The following FTL variants were observed in gnomAD, a reference collection of about 807,000 sequenced individuals.
FTL encodes the protein epididymis secretory sperm binding protein.
In FTL, 17 loss-of-function variants were observed where a neutral mutation model predicts 16.6. That is an observed-to-expected ratio of 1.02 (90% CI 0.70 to 1.53). FTL has a LOEUF of 1.53. Ranked by LOEUF, FTL falls within the 40% of genes most tolerant of loss-of-function variation. The pLI, the probability that FTL is intolerant of heterozygous loss-of-function variation, is 0.00. For missense variants in FTL, 186 were observed against 226.1 expected, an observed-to-expected ratio of 0.82 and a Z score of 1.14; for synonymous variants, 73 against 89.9, an observed-to-expected ratio of 0.81 and a Z score of 1.06.
rs768867643 is a variant in FTL at position 48,966,411 on chromosome 19, G to A, written c.375+5G>A. On this transcript the variant is annotated splice_donor_5th_base_variant and intron_variant, in intron 3 of 3. Transcript: ENST00000331825. ...TCTGCCCGCACGGACCCCCATGTAC[G>A]TACCCGCTGCATCCATGGCTACCCA... 12 of 1,613,942 alleles carry A rather than the reference G, an allele frequency of 7.4e-6. No homozygotes were observed. In the East Asian group the frequency reaches 2.7e-4, roughly 36 times the overall value.
At position 48,965,422 on chromosome 19, in the gene FTL, C is replaced by T. The variant is rs1319264120; in HGVS notation, c.-86C>T. ...CCTCCGATTTCCTCTCCGCTTGCAACCTCCGGGACCATCTTCTCGGCCATC... is the reference window on the plus strand; with the variant it reads ...CCTCCGATTTCCTCTCCGCTTGCAATCTCCGGGACCATCTTCTCGGCCATC... On this transcript the variant is annotated 5_prime_UTR_variant, in exon 1 of 4. Transcript: ENST00000331825. The T allele has an allele frequency of 3.3e-6, 3 of 897,748 alleles. No homozygotes were observed. Among genetic ancestry groups the T allele is most frequent in the Middle Eastern group, 6.4e-4 (2 of 3,138 alleles). 55.6% of individuals were successfully genotyped at this position (897,748 alleles called of 1,614,324 possible).
rs761898357 is a variant in FTL, at chr19:48,966,316, C to T, written c.285C>T (p.Asp95=). Reference sequence around the variant, plus strand: ...AAGATGAGTGGGGTAAAACCCCAGACGCCATGAAAGCTGCCATGGCCCTGG... The same window carrying T: ...AAGATGAGTGGGGTAAAACCCCAGATGCCATGAAAGCTGCCATGGCCCTGG... ...PAEDEWGKTP[D]AMKAAMALEK... is the part of the protein sequence containing the mutation. The change falls in exon 3 of 4, where the codon GAC becomes GAT. Residue 95 remains aspartate (D), a synonymous_variant. Transcript: ENST00000331825. The T allele has an allele frequency of 1.9e-6, 3 of 1,614,114 alleles. No individual in the cohort carries two copies. Among genetic ancestry groups the T allele is most frequent in the African/African-American group, 1.3e-5 (1 of 75,030 alleles).
At chr19:48,966,484 G>GCCT in intron 3 of FTL, 78 bp downstream of exon 3, 1 of 1,613,428 alleles carries the variant, frequency 6.2e-7, no homozygotes, top group Non-Finnish European at 8.5e-7. Context: ...TTCCTTCAGA[G>GCCT]CCTCATTTCA....
chr19:48,966,501 T>C, intron 3 of FTL, 82 bp from the exon 4 acceptor site: 1 of 1,612,556 alleles, frequency 6.2e-7, no homozygotes, highest in South Asian at 1.1e-5. Flanking sequence ...TTCACACCTG[T>C]CACATTTTAA....
rs528748131 is a variant in FTL at position 48,965,976 on chromosome 19, T to G, written c.249+60T>G. ...AGCAGGCCGTGCGCGCGAGGAGCCT[T>G]GATTTGAGGGCGTAGGTGTCGCGTG... On this transcript the variant is annotated intron_variant, in intron 2 of 3. Coordinates refer to ENST00000331825, the MANE Select transcript of FTL (RefSeq NM_000146.4). 4,946 of 1,590,308 alleles carry G rather than the reference T, an allele frequency of 3.1e-3. 14 individuals carry two copies. Among genetic ancestry groups the G allele is most frequent in the Middle Eastern group, 0.016 (98 of 6,038 alleles).
At chr19:48,965,960 T>C in intron 2 of FTL, 44 bp downstream of exon 2, 2 of 1,607,582 alleles carry the variant, frequency 1.2e-6, no homozygotes, top group Non-Finnish European at 1.7e-6. Flanking sequence ...CAGCAGGCCG[T>C]GCGCGCGAGG....
rs2038448623 is a variant in FTL, at chr19:48,965,971, A to C, written c.249+55A>C. 2.5e-6 allele frequency: 4 copies of C among 1,599,164 alleles called. No homozygotes were observed. In the African/African-American group the frequency reaches 5.4e-5, roughly 21 times the overall value. On this transcript the variant is annotated intron_variant, in intron 2 of 3. Coordinates refer to ENST00000331825, the MANE Select transcript of FTL (RefSeq NM_000146.4). ...CTCCCAGCAGGCCGTGCGCGCGAGGAGCCTTGATTTGAGGGCGTAGGTGTC... is the reference window on the plus strand; with the variant it reads ...CTCCCAGCAGGCCGTGCGCGCGAGGCGCCTTGATTTGAGGGCGTAGGTGTC...
chr19:48,966,303 G>T lies in FTL; in HGVS notation c.272G>T (p.Gly91Val), dbSNP rs760939157. The change falls in exon 3 of 4, where the codon GGT (glycine) becomes GTT (valine). Residue 91 changes from glycine to valine, a missense_variant. Gly to Val is a moderately radical substitution (Grantham distance 109). Transcript: ENST00000331825. ...DIKKPAEDEW[G>V]KTPDAMKAAM... ...TAGAAGCCAGCTGAAGATGAGTGGGGTAAAACCCCAGACGCCATGAAAGCT... is the reference window on the plus strand; with the variant it reads ...TAGAAGCCAGCTGAAGATGAGTGGGTTAAAACCCCAGACGCCATGAAAGCT... 1 of 1,614,116 alleles carries T rather than the reference G, an allele frequency of 6.2e-7. No homozygotes were observed. The highest frequency in any genetic ancestry group is 8.5e-7 in the Non-Finnish European group (1 of 1,180,004).
At position 48,965,904 on chromosome 19, in the gene FTL, C is replaced by G. The variant is rs184528142; in HGVS notation, c.237C>G (p.Phe79Leu). Reference protein sequence around the residue: ...MQNQRGGRALFQDIKKPAEDE... With the variant: ...MQNQRGGRALLQDIKKPAEDE... ...ACCAGCGTGGCGGCCGCGCTCTCTT[C>G]CAGGACATCAAGGTAACTAGTGTGT... Residue 79 changes from phenylalanine (F) to leucine (L), a missense_variant, in exon 2 of 4, where the codon TTC (phenylalanine) becomes TTG (leucine). Coordinates refer to ENST00000331825, the MANE Select transcript of FTL (RefSeq NM_000146.4). 6 of 1,614,142 alleles carry G rather than the reference C, an allele frequency of 3.7e-6. No homozygotes were observed. The East Asian group carries it at 1.1e-4, about 30-fold the overall frequency.
At chr19:48,966,157 T>G in intron 2 of FTL, 124 bp from the exon 3 acceptor site, 2 of 1,436,016 alleles carry the variant, frequency 1.4e-6, no homozygotes, top group Non-Finnish European at 2.0e-6. Context: ...CGGAGAGTGA[T>G]AAATACAAGC....
intron 2 of FTL, 42 bp downstream of exon 2, chr19:48,965,958 C>T (rs1443873474): frequency 2.5e-6 from 4 of 1,608,464 alleles, no homozygotes; most frequent in Admixed American, 1.7e-5. Flanking sequence ...CCCAGCAGGC[C>T]GTGCGCGCGA....
In FTL at chr19:48,965,579, C is replaced by T. The variant is rs756961528; in HGVS notation, c.72C>T (p.Tyr24=). 7 of 1,613,918 alleles carry T rather than the reference C, an allele frequency of 4.3e-6. No individual in the cohort carries two copies. Among genetic ancestry groups the T allele is most frequent in the Non-Finnish European group, 5.9e-6 (7 of 1,179,776 alleles). ...CCGTCAACAGCCTGGTCAATTTGTA[C>T]CTGCAGGCCTCCTACACCTACCTCT... The part of the protein sequence containing the change: ...EAAVNSLVNL[Y]LQASYTYLSL... The change falls in exon 1 of 4, where the codon TAC becomes TAT. Residue 24 remains tyrosine, a synonymous_variant. Coordinates refer to ENST00000331825, the MANE Select transcript of FTL (RefSeq NM_000146.4).
intron 2 of FTL, 84 bp from the exon 3 acceptor site, chr19:48,966,197 G>C (rs2038451895): frequency 6.3e-7 from 1 of 1,589,734 alleles, no homozygotes; most frequent in Admixed American, 1.7e-5. Context: ...CTGGGCCTCT[G>C]ACCCCCAACG....
rs762943867 is a variant in FTL, at chr19:48,966,606, C to A, written c.399C>A (p.His133Gln). 2.5e-6 allele frequency: 4 copies of A among 1,614,030 alleles called. No homozygotes were observed. In the African/African-American group the frequency reaches 4.0e-5, roughly 16 times the overall value. The change falls in exon 4 of 4, where the codon CAC becomes CAA. Residue 133 changes from histidine to glutamine, a missense_variant. Transcript: ENST00000331825. ...DPHLCDFLET[H>Q]FLDEEVKLIK... is the part of the protein sequence containing the mutation. Reference sequence around the variant, plus strand: ...AGCTCTGTGACTTCCTGGAGACTCACTTCCTAGATGAGGAAGTGAAGCTTA... The same window carrying A: ...AGCTCTGTGACTTCCTGGAGACTCAATTCCTAGATGAGGAAGTGAAGCTTA...
intron 2 of FTL, 164 bp downstream of exon 2, chr19:48,966,080 A>G (rs975738041): frequency 2.5e-6 from 3 of 1,188,512 alleles, no homozygotes; most frequent in Non-Finnish European, 2.4e-6. Context: ...CAGTGCCCAC[A>G]ACACGCGGCA....
chr19:48,966,587 G>A lies in FTL; in HGVS notation c.380G>A (p.Cys127Tyr), dbSNP rs748352246. 3 of 1,614,076 alleles carry A rather than the reference G, an allele frequency of 1.9e-6. No individual in the cohort carries two copies. The highest frequency in any genetic ancestry group is 2.5e-6 in the Non-Finnish European group (3 of 1,180,004). Residue 127 changes from cysteine (C) to tyrosine (Y), a missense_variant, in exon 4 of 4, where the codon TGT (cysteine) becomes TAT (tyrosine). Physicochemically the swap from Cys to Tyr is radical, Grantham distance 194. Transcript: ENST00000331825. Reference protein sequence around the residue: ...LGSARTDPHLCDFLETHFLDE... With the variant: ...LGSARTDPHLYDFLETHFLDE... ...TTTCTCCCTCTTCTCTCTCAGCTCT[G>A]TGACTTCCTGGAGACTCACTTCCTA...
chr19:48,966,318 C>G lies in FTL; in HGVS notation c.287C>G (p.Ala96Gly). 6.2e-7 allele frequency: 1 copy of G among 1,614,154 alleles called. No homozygotes were observed. The highest frequency in any genetic ancestry group is 8.5e-7 in the Non-Finnish European group (1 of 1,180,030). Residue 96 changes from alanine to glycine, a missense_variant, in exon 3 of 4, where the codon GCC becomes GGC. Ala to Gly is a moderately conservative substitution (Grantham distance 60). Coordinates refer to ENST00000331825, the MANE Select transcript of FTL (RefSeq NM_000146.4). ...AEDEWGKTPD[A>G]MKAAMALEKK... ...GATGAGTGGGGTAAAACCCCAGACG[C>G]CATGAAAGCTGCCATGGCCCTGGAG...
chr19:48,965,944 A>T lies in FTL; in HGVS notation c.249+28A>T, dbSNP rs371279628. On this transcript the variant is annotated intron_variant, in intron 2 of 3. Transcript: ENST00000331825. ...AACTAGTGTGTGGGTAATGGACTAC[A>T]TCTCCCAGCAGGCCGTGCGCGCGAG... 10 of 1,612,684 alleles carry T rather than the reference A, an allele frequency of 6.2e-6. No homozygotes were observed. The African/African-American group carries it at 1.3e-4, about 22-fold the overall frequency.
Position 48,966,321 on chromosome 19 carries a change from T to C in FTL, c.290T>C (p.Met97Thr). The change falls in exon 3 of 4, where the codon ATG becomes ACG. Residue 97 changes from methionine to threonine, a missense_variant. Physicochemically the swap from Met to Thr is moderately conservative, Grantham distance 81 (BLOSUM62 -1). Coordinates refer to ENST00000331825, the MANE Select transcript of FTL (RefSeq NM_000146.4). ...GAGTGGGGTAAAACCCCAGACGCCATGAAAGCTGCCATGGCCCTGGAGAAA... is the reference window on the plus strand; with the variant it reads ...GAGTGGGGTAAAACCCCAGACGCCACGAAAGCTGCCATGGCCCTGGAGAAA... Reference protein sequence around the residue: ...EDEWGKTPDAMKAAMALEKKL... With the variant: ...EDEWGKTPDATKAAMALEKKL... The C allele has an allele frequency of 6.2e-7, 1 of 1,614,136 alleles. No homozygotes were observed. The highest frequency in any genetic ancestry group is 8.5e-7 in the Non-Finnish European group (1 of 1,180,006).
Sources: gnomAD v4.1 joint callset for allele counts on GRCh38, gnomAD v4.1.1 for gene constraint, MANE v1.5 for transcripts, NCBI Gene and HGNC (gene_info 2026-07-23, HGNC 2026-07-21) for gene names.